TNXB: variants seen among roughly 807,000 people sequenced by gnomAD.
The protein encoded by TNXB is tenascin-X.
Under a neutral mutation model 340.5 loss-of-function variants are expected in TNXB, and 183 were observed. That is an observed-to-expected ratio of 0.54 (90% CI 0.48 to 0.61). The LOEUF (loss-of-function observed/expected upper bound fraction) is 0.61. TNXB is among the 20% of genes least tolerant of loss of function. The pLI, the probability that TNXB is intolerant of heterozygous loss-of-function variation, is 0.00. For synonymous variants in TNXB, 2,121 were observed against 2,314.5 expected (o/e 0.92, Z 2.40); for missense variants, 4,613 against 5,446.4 (o/e 0.85, Z 4.82).
At position 32,056,702 on chromosome 6, in the gene TNXB, C is replaced by T. The variant is rs2151901746; in HGVS notation, c.8027G>A (p.Gly2676Glu). 2 of 1,613,142 alleles carry T rather than the reference C, an allele frequency of 1.2e-6. No individual in the cohort carries two copies. The highest frequency in any genetic ancestry group is 1.7e-6 in the Non-Finnish European group (2 of 1,179,876). ...DGQPKAVRVP[G>E]HEDGVTISGL... ...TGAGATGGTGACCCCGTCCTCGTGC[C>T]CCGGCACCCGCACCGCCTTGGGCTG... The change falls in exon 23 of 44, where the codon GGG becomes GAG. Residue 2676 changes from glycine to glutamate, a missense_variant. By Grantham distance (98) the Gly-to-Glu change is moderately conservative. Around this residue, in one of 7 missense-constraint regions of TNXB, gnomAD observed 4,327 missense variants for 4,859.4 expected, o/e 0.89. Coordinates refer to ENST00000644971, the MANE Select transcript of TNXB (RefSeq NM_001365276.2).
In TNXB at chr6:32,046,713, A is replaced by C; in HGVS notation, c.10325-257T>G. On this transcript the variant is annotated intron_variant, in intron 30 of 43. Transcript: ENST00000644971. The surrounding 1 kb of genome is among the most constrained non-coding windows in gnomAD (Gnocchi z 6.9). ...CCTGCTGTGATCGAGGATGCGCCAA[A>C]TTCATTACAGATCATCTCCCGAGGG... The C allele has an allele frequency of 2.4e-6, 1 of 410,684 alleles. No homozygotes were observed. Among genetic ancestry groups the C allele is most frequent in the Non-Finnish European group, 4.4e-6 (1 of 229,776 alleles). 25.4% of individuals were successfully genotyped at this position (410,684 alleles called of 1,614,324 possible).
At position 32,082,148 on chromosome 6, in the gene TNXB, G is replaced by A. The variant is rs761180572; in HGVS notation, c.3624C>T (p.Pro1208=). The change falls in exon 9 of 44, where the codon CCC becomes CCT. Residue 1208 remains proline, a synonymous_variant. Coordinates refer to ENST00000644971, the MANE Select transcript of TNXB (RefSeq NM_001365276.2). The surrounding 1 kb of genome is among the most constrained non-coding windows in gnomAD (Gnocchi z 5.0). ...GTGAGGAGACAACAAATGAACGCTCGGGCCCTTCCACAGGTACCACCTGGG... is the reference window on the plus strand; with the variant it reads ...GTGAGGAGACAACAAATGAACGCTCAGGCCCTTCCACAGGTACCACCTGGG... ...GRPQVVPVEG[P]ERSFVVSSLD... The A allele has an allele frequency of 2.9e-5, 46 of 1,612,032 alleles. No individual in the cohort carries two copies. The highest frequency in any genetic ancestry group is 1.0e-4 in the Admixed American group (6 of 59,804).
At chr6:32,078,844 A>C (rs1779263546) in intron 11 of TNXB, among the ~76,000 whole-genome samples, 189 bp downstream of exon 11, 1 of 152,252 alleles carries the variant, frequency 6.6e-6, no homozygotes, top group South Asian at 2.1e-4. Flanking sequence ...ACAGAGGTGC[A>C]GAAAGTTTAA....
rs1777781275 is a variant in TNXB at position 32,058,106 on chromosome 6, G to A, written c.7777C>T (p.Leu2593Phe). 6.2e-7 allele frequency: 1 copy of A among 1,612,410 alleles called. No individual in the cohort carries two copies. The highest frequency in any genetic ancestry group is 1.1e-5 in the South Asian group (1 of 91,060). ...GRKYKMHLYG[L>F]HEGRRLGPVS... ...GGGCCCAGGCGCCGCCCCTCGTGGA[G>A]GCCGTACAGGTGCATCTTGTACTTG... is the stretch of plus-strand genomic sequence containing the variant. Residue 2593 changes from leucine to phenylalanine, a missense_variant, in exon 22 of 44, where the codon CTC becomes TTC. Physicochemically the swap from Leu to Phe is conservative, Grantham distance 22. Coordinates refer to ENST00000644971, the MANE Select transcript of TNXB (RefSeq NM_001365276.2). The surrounding 1 kb of genome is among the most constrained non-coding windows in gnomAD (Gnocchi z 5.1).
At position 32,081,651 on chromosome 6, in the gene TNXB, G is replaced by T. The variant is rs376169777; in HGVS notation, c.3759C>A (p.Pro1253=). The change falls in exon 10 of 44, where the codon CCC becomes CCA. Residue 1253 remains proline (P), a synonymous_variant. Transcript: ENST00000644971. The surrounding 1 kb of genome is among the most constrained non-coding windows in gnomAD (Gnocchi z 5.1). Reference sequence around the variant, plus strand: ...GCTGCTCCAGGAACTCAGGGCGGGGGGGCTCCTCTTTCCTCTCTGGAGCTG... The same window carrying T: ...GCTGCTCCAGGAACTCAGGGCGGGGTGGCTCCTCTTTCCTCTCTGGAGCTG... The part of the protein sequence containing the change: ...GTTAPERKEE[P]PRPEFLEQPL... The T allele has an allele frequency of 1.8e-5, 28 of 1,589,860 alleles. No individual in the cohort carries two copies. Among genetic ancestry groups the T allele is most frequent in the Non-Finnish European group, 2.4e-5 (28 of 1,168,410 alleles).
intron 1 of TNXB, among the ~76,000 whole-genome samples, chr6:32,098,701 G>T (rs1053245222): frequency 1.3e-5 from 2 of 152,082 alleles, no homozygotes; most frequent in African/African-American, 4.8e-5. Context: ...GCTGGTCTCA[G>T]ACTCCTAACC....
chr6:32,088,971 C>A lies in TNXB; in HGVS notation c.2593G>T (p.Ala865Ser). 6.2e-7 allele frequency: 1 copy of A among 1,610,674 alleles called. No individual in the cohort carries two copies. Among genetic ancestry groups the A allele is most frequent in the South Asian group, 1.1e-5 (1 of 90,356 alleles). The stretch of plus-strand genomic sequence containing the variant: ...GACACCACAAATCGGTCCACCTCAG[C>A]CTGGGGACGCAGCCAGCCAAGCTCC... The part of the protein sequence containing the change: ...TLELGWLRPQ[A>S]EVDRFVVSYV... Residue 865 changes from alanine (A) to serine (S), a missense_variant, in exon 6 of 44, where the codon GCT (alanine) becomes TCT (serine). This residue lies in a region of TNXB where 4,327 missense variants were observed against 4,859.4 expected (regional missense o/e 0.89). Transcript: ENST00000644971.
At chr6:32,041,620 A>G in intron 43 of TNXB, 151 bp downstream of exon 43, 1 of 1,092,828 alleles carries the variant, frequency 9.2e-7, no homozygotes, top group South Asian at 1.3e-5. Flanking sequence ...CTTTCCAGCC[A>G]ATAAATCAAC....
At chr6:32,053,746 G>C (rs777271377) in intron 24 of TNXB, 35 bp from the exon 25 acceptor site, 1 of 1,597,972 alleles carries the variant, frequency 6.3e-7, no homozygotes, top group Non-Finnish European at 8.6e-7. Context: ...TGAGGTCCCT[G>C]GGTTCTCAGT....
In TNXB at chr6:32,048,466, C is replaced by T. The variant is rs751397457; in HGVS notation, c.9942G>A (p.Ala3314=). ...CCGGGTCCAGCCCCGAGACGGCGAC[C>T]GCTCGGAGGTCTCCGCTCACAGGCA... ...QAVPVSGDLR[A]VAVSGLDPAR... The change falls in exon 29 of 44, where the codon GCG becomes GCA. Residue 3314 remains alanine, a synonymous_variant. Transcript: ENST00000644971. 7.5e-6 allele frequency: 12 copies of T among 1,590,512 alleles called. No homozygotes were observed. Among genetic ancestry groups the T allele is most frequent in the South Asian group, 3.4e-5 (3 of 88,382 alleles).
In TNXB at chr6:32,058,784, A is replaced by C. The variant is rs1362778780; in HGVS notation, c.7493-394T>G. 6.6e-6 allele frequency among the ~76,000 whole-genome samples: 1 copy of C among 151,938 alleles called. No homozygotes were observed. The highest frequency in any genetic ancestry group is 1.5e-5 in the Non-Finnish European group (1 of 68,048). ...ATGACAGCAGATGTGTCAGGAACACAAATGACCCGTAGAAGATGATTAATT... is the reference window on the plus strand; with the variant it reads ...ATGACAGCAGATGTGTCAGGAACACCAATGACCCGTAGAAGATGATTAATT... On this transcript the variant is annotated intron_variant, in intron 21 of 43. Transcript: ENST00000644971. This position sits in a 1 kb window ranked among gnomAD's most constrained non-coding sequence, Gnocchi z 5.1.
Position 32,068,001 on chromosome 6 carries a change from G to C in TNXB, c.6221-17C>G. The C allele has an allele frequency of 2.5e-6, 4 of 1,606,818 alleles. No homozygotes were observed. The highest frequency in any genetic ancestry group is 3.4e-6 in the Non-Finnish European group (4 of 1,175,728). ...CCTCTGCAGCTGAGAAGGAGGAAGA[G>C]AGAGTGAGGGGGATGTCCTTGGGTA... On this transcript the variant is annotated splice_polypyrimidine_tract_variant and intron_variant, in intron 17 of 43. Coordinates refer to ENST00000644971, the MANE Select transcript of TNXB (RefSeq NM_001365276.2). The surrounding 1 kb of genome is among the most constrained non-coding windows in gnomAD (Gnocchi z 5.3).
rs541902851 is a variant in TNXB at position 32,074,710 on chromosome 6, C to T, written c.4376-758G>A. ...ACTTTTTTTTTTTGAGACGGAGTTT[C>T]GCTGTTGTTGCTCAGGCTGGTGTGC... is the stretch of plus-strand genomic sequence containing the variant. On this transcript the variant is annotated intron_variant, in intron 11 of 43. Coordinates refer to ENST00000644971, the MANE Select transcript of TNXB (RefSeq NM_001365276.2). The surrounding 1 kb of genome is among the most constrained non-coding windows in gnomAD (Gnocchi z 5.5). Among the ~76,000 whole-genome samples the T allele has an allele frequency of 1.1e-4, 16 of 152,120 alleles. No homozygotes were observed. The highest frequency in any genetic ancestry group is 2.6e-4 in the Admixed American group (4 of 15,278).
chr6:32,043,463 T>C lies in TNXB; in HGVS notation c.11624A>G (p.Tyr3875Cys), dbSNP rs1218055979. ...CCCAGGGGCTGTGACCTGGACGTCA[T>C]AGGTGTCCACAGGATTCTGGGGGGG... ...WKPPQNPVDTYDVQVTAPGAP... is the reference protein window; with the variant it reads ...WKPPQNPVDTCDVQVTAPGAP... The change falls in exon 36 of 44, where the codon TAT becomes TGT. Residue 3875 changes from tyrosine to cysteine, a missense_variant. By Grantham distance (194) the Tyr-to-Cys change is radical. Transcript: ENST00000644971. 1 of 589,740 alleles carries C rather than the reference T, an allele frequency of 1.7e-6. No homozygotes were observed. The highest frequency in any genetic ancestry group is 2.6e-5 in the Admixed American group (1 of 38,008). 36.5% of individuals were successfully genotyped at this position (589,740 alleles called of 1,614,324 possible). A position where few individuals can be genotyped will look rare whatever the true frequency, so the allele number is the denominator to read the frequency against.
In TNXB at chr6:32,097,644, A is replaced by G. The variant is rs1344345317; in HGVS notation, c.403+152T>C. On this transcript the variant is annotated intron_variant, in intron 2 of 43. Coordinates refer to ENST00000644971, the MANE Select transcript of TNXB (RefSeq NM_001365276.2). The surrounding 1 kb of genome is among the most constrained non-coding windows in gnomAD (Gnocchi z 5.9). ...ATATGCTTTGGTTGACATGTAGCCC[A>G]GCTCTGCTCTCCAAGTTGTGTTCTG... is the stretch of plus-strand genomic sequence containing the variant. 8.9e-7 allele frequency: 1 copy of G among 1,122,144 alleles called. No homozygotes were observed. Among genetic ancestry groups the G allele is most frequent in the Admixed American group, 2.9e-5 (1 of 34,650 alleles). The allele number at this position is 1,122,144 out of a possible 1,614,324, so 69.5% of individuals were successfully genotyped here.
rs1263412183 is a variant in TNXB at position 32,043,559 on chromosome 6, G to C, written c.11531-3C>G. ...CAACTGTGTGGGACCGTCAGGAACT[G>C]GGGGAAGGGGAGGGGCTCAGAAGGG... On this transcript the variant is annotated splice_region_variant and splice_polypyrimidine_tract_variant and intron_variant, in intron 35 of 43. Transcript: ENST00000644971. The C allele has an allele frequency of 4.8e-6, 5 of 1,044,130 alleles. No homozygotes were observed. Among genetic ancestry groups the C allele is most frequent in the Non-Finnish European group, 7.2e-6 (5 of 695,930 alleles). The allele number at this position is 1,044,130 out of a possible 1,614,324, so 64.7% of individuals were successfully genotyped here.
In TNXB at chr6:32,067,986, T is replaced by C. The variant is rs774992898; in HGVS notation, c.6221-2A>G. ...GGCTGGGGGTCTCTTCCTCTGCAGC[T>C]GAGAAGGAGGAAGAGAGAGTGAGGG... On this transcript the variant is annotated splice_acceptor_variant, in intron 17 of 43. Transcript: ENST00000644971. LOFTEE classifies it high-confidence loss of function. This position sits in a 1 kb window ranked among gnomAD's most constrained non-coding sequence, Gnocchi z 4.2. 1 of 1,608,818 alleles carries C rather than the reference T, an allele frequency of 6.2e-7. No individual in the cohort carries two copies. The highest frequency in any genetic ancestry group is 1.7e-5 in the Admixed American group (1 of 59,844).
chr6:32,050,284 A>G lies in TNXB; in HGVS notation c.9153T>C (p.Pro3051=), dbSNP rs1208044757. The G allele has an allele frequency of 2.6e-5, 42 of 1,613,098 alleles. No individual in the cohort carries two copies. Among genetic ancestry groups the G allele is most frequent in the Admixed American group, 1.0e-4 (6 of 60,006 alleles). ...TGATGGGGGGCTCAGGGGTCATGGT[A>G]GGCACTGCTTGGGTGGTCTCGGCTT... ...KDEAETTQAV[P]TMTPEPPIKP... Residue 3051 remains proline, a synonymous_variant, in exon 27 of 44, where the codon CCT becomes CCC. Coordinates refer to ENST00000644971, the MANE Select transcript of TNXB (RefSeq NM_001365276.2).
At chr6:32,053,260 TG>T in intron 25 of TNXB, 127 bp downstream of exon 25, 1 of 1,419,916 alleles carries the variant, frequency 7.0e-7, no homozygotes, top group Non-Finnish European at 9.5e-7. Context: ...CTCAGGGAAG[TG>T]GGGAAAGACA....
Sources: allele counts gnomAD v4.1 joint callset (sites outside exome capture counted in the v4.1 genomes callset), GRCh38; gene constraint gnomAD v4.1.1; regional missense constraint gnomAD v4.1.1; non-coding constraint Gnocchi (gnomAD v3.1); transcripts MANE v1.5; gene names NCBI Gene and HGNC (gene_info 2026-07-23, HGNC 2026-07-21).